CFAP58: variants seen among roughly 807,000 people sequenced by gnomAD.
The protein encoded by CFAP58 is cilia and flagella associated protein 58, also known as cilia- and flagella-associated protein 58.
CFAP58 carries 88 observed loss-of-function variants against 119.5 expected under a neutral mutation model. The observed-to-expected ratio is 0.74, with a 90% CI of 0.62 to 0.88. The LOEUF (loss-of-function observed/expected upper bound fraction) is 0.88, where lower values mean the gene tolerates loss of function less well. Ranked by LOEUF, CFAP58 falls within the 40% of genes least tolerant of loss-of-function variation. The pLI, the probability that CFAP58 is intolerant of heterozygous loss-of-function variation, is 0.00. For synonymous variants in CFAP58, 365 were observed against 366.3 expected (o/e 1.00, Z 0.04); for missense variants, 990 against 1,021.2 (o/e 0.97, Z 0.42).
intron 15 of CFAP58, among the ~76,000 whole-genome samples, chr10:104,443,575 G>T (rs985639758): frequency 2.0e-5 from 3 of 152,248 alleles, no homozygotes; most frequent in African/African-American, 7.2e-5. Context: ...GTTCCTCTCA[G>T]TCAGTTATTG....
intron 2 of CFAP58, among the ~76,000 whole-genome samples, chr10:104,359,487 AC>A (rs1271029400): frequency 1.3e-5 from 2 of 152,206 alleles, no homozygotes; most frequent in Non-Finnish European, 1.5e-5. Context: ...ATGGAAAAAA[AC>A]ATTTTTCATT....
At position 104,365,956 on chromosome 10, in the gene CFAP58, A is replaced by C; in HGVS notation, c.740A>C (p.Gln247Pro). 1 of 1,611,686 alleles carries C rather than the reference A, an allele frequency of 6.2e-7. No homozygotes were observed. The highest frequency in any genetic ancestry group is 1.7e-4 in the Middle Eastern group (1 of 6,024). The change falls in exon 5 of 18, where the codon CAG (glutamine) becomes CCG (proline). Residue 247 changes from glutamine to proline, a missense_variant. By Grantham distance (76) the Gln-to-Pro change is moderately conservative. Coordinates refer to ENST00000369704, the MANE Select transcript of CFAP58 (RefSeq NM_001008723.2). Reference protein sequence around the residue: ...TEIKALQQYVQKSKEELQKLE... With the variant: ...TEIKALQQYVPKSKEELQKLE... ...ATAAAAGCCCTGCAGCAGTATGTGC[A>C]GAAGAGCAAGGAGGAGCTTCAGAAG...
chr10:104,366,820 G>T (rs951698237), intron 5 of CFAP58, among the ~76,000 whole-genome samples: 3 of 151,878 alleles, frequency 2.0e-5, no homozygotes, highest in African/African-American at 7.3e-5. Context: ...CACTGGGTGA[G>T]TATAACAATT....
intron 8 of CFAP58, among the ~76,000 whole-genome samples, chr10:104,377,699 A>T (rs1205816785): frequency 6.6e-6 from 1 of 152,226 alleles, no homozygotes; most frequent in Non-Finnish European, 1.5e-5. Context: ...AACGGTCTAT[A>T]TTTGTTCATT....
chr10:104,357,910 CACACATATAT>C (rs1425001924), intron 1 of CFAP58, among the ~76,000 whole-genome samples: 4 of 100,730 alleles, frequency 4.0e-5, no homozygotes, highest in African/African-American at 2.4e-4. Flanking sequence ...TACACATATA[CACACATATAT>C]GTACACATAT....
At position 104,368,561 on chromosome 10, in the gene CFAP58, G is replaced by A. The variant is rs1156438011; in HGVS notation, c.930+1G>A. The stretch of plus-strand genomic sequence containing the variant: ...CCAACAGAAGGCGTTGGAGCTCAAA[G>A]TAAACACCAAGTTACATGTCTGTTC... On this transcript the variant is annotated splice_donor_variant, in intron 6 of 17. Transcript: ENST00000369704. LOFTEE classifies it high-confidence loss of function. 3 of 1,613,736 alleles carry A rather than the reference G, an allele frequency of 1.9e-6. No individual in the cohort carries two copies. The highest frequency in any genetic ancestry group is 1.1e-5 in the South Asian group (1 of 91,054).
chr10:104,396,369 TGAGAGAGAGAGAGAGAGAGAGAGA>T (rs57210958), intron 11 of CFAP58, among the ~76,000 whole-genome samples: 2,225 of 86,728 alleles, frequency 0.026, 35 homozygotes, highest in South Asian at 0.036. Flanking sequence ...CTGTTATCCA[TGAGAGAGAGAGAGAGAGAGAGAGA>T]GAGAGAGAGA....
chr10:104,399,241 T>TA, intron 11 of CFAP58, 119 bp from the exon 12 acceptor site: 1 of 1,033,536 alleles, frequency 9.7e-7, no homozygotes, highest in African/African-American at 1.6e-5. Context: ...CAAACTGTGT[T>TA]AAATGAAACA....
rs1465404933 is a variant in CFAP58 at position 104,355,159 on chromosome 10, C to T, written c.9+1253C>T. ...CCCCATTACCCATAGTCATTTGTAT[C>T]TCTTTCTTCCCATTTCCTTTCTTGT... On this transcript the variant is annotated intron_variant, in intron 1 of 17. Coordinates refer to ENST00000369704, the MANE Select transcript of CFAP58 (RefSeq NM_001008723.2). Among the ~76,000 whole-genome samples the T allele has an allele frequency of 2.4e-4, 36 of 152,162 alleles. 1 individual carries two copies. The highest frequency in any genetic ancestry group is 2.4e-3 in the Admixed American group (36 of 15,268).
intron 5 of CFAP58, 136 bp downstream of exon 5, chr10:104,366,144 A>G: frequency 1.3e-6 from 1 of 782,708 alleles, no homozygotes; most frequent in Non-Finnish European, 2.0e-6. Context: ...TGTAAAACTT[A>G]GCACTGCAAT....
At chr10:104,376,417 A>C (rs2011663130) in intron 7 of CFAP58, among the ~76,000 whole-genome samples, 1 of 150,696 alleles carries the variant, frequency 6.6e-6, no homozygotes, top group Non-Finnish European at 1.5e-5. Flanking sequence ...AGGCAGGAAA[A>C]TCCCTTGAAC....
chr10:104,358,689 C>G, intron 2 of CFAP58, 67 bp downstream of exon 2: 7 of 1,432,928 alleles, frequency 4.9e-6, no homozygotes, highest in Non-Finnish European at 6.6e-6. Context: ...ATATTGGCAC[C>G]TCTAGGCTGG....
At chr10:104,354,109 C>T (rs556160360) in intron 1 of CFAP58, among the ~76,000 whole-genome samples, 76 of 152,324 alleles carry the variant, frequency 5.0e-4, no homozygotes, top group African/African-American at 1.8e-3. Flanking sequence ...GTGGACACCC[C>T]ACTATCCCCA....
chr10:104,354,597 C>T (rs2014515688), intron 1 of CFAP58, among the ~76,000 whole-genome samples: 1 of 152,062 alleles, frequency 6.6e-6, no homozygotes, highest in African/African-American at 2.4e-5. Context: ...TCATTACTTG[C>T]CATTCACAGT....
At chr10:104,376,539 A>G (rs934712902) in intron 7 of CFAP58, among the ~76,000 whole-genome samples, 3 of 151,170 alleles carry the variant, frequency 2.0e-5, no homozygotes, top group Admixed American at 1.3e-4. Flanking sequence ...AAGCAAGGAC[A>G]TTTTTGGCGT....
At chr10:104,347,165 T>C in the CFAP58 span, among the ~76,000 whole-genome samples, 4 of 152,098 alleles carry the variant, frequency 2.6e-5, no homozygotes, top group Admixed American at 6.5e-5. Context: ...ATGACACTGC[T>C]GTCTCCTTCT....
the CFAP58 span, among the ~76,000 whole-genome samples, chr10:104,341,757 G>A: frequency 6.6e-6 from 1 of 151,960 alleles, no homozygotes; most frequent in South Asian, 2.1e-4. Context: ...GATCAAAAGA[G>A]AAAAATGGAA....
chr10:104,358,154 T>C (rs570348659), intron 1 of CFAP58, among the ~76,000 whole-genome samples, 187 bp from the exon 2 acceptor site: 7 of 151,898 alleles, frequency 4.6e-5, no homozygotes, highest in Middle Eastern at 3.5e-3. Context: ...TGTACTTATA[T>C]ATGTACATAA....
chr10:104,351,902 T>A (rs73335149), upstream of CFAP58: 1 of 152,154 alleles, frequency 6.6e-6, no homozygotes, highest in African/African-American at 2.4e-5. Flanking sequence ...CTAAAGCAGA[T>A]TGATGTCCAG....
Sources: gnomAD v4.1 joint callset for allele counts (sites outside exome capture counted in the v4.1 genomes callset) on GRCh38, gnomAD v4.1.1 for gene constraint, MANE v1.5 for transcripts, NCBI Gene and HGNC (gene_info 2026-07-23, HGNC 2026-07-21) for gene names.